GRHL2: variants seen among roughly 807,000 people sequenced by gnomAD.
GRHL2 encodes the protein grainyhead-like protein 2 homolog.
GRHL2 carries 21 observed loss-of-function variants against 83.8 expected under a neutral mutation model. That is an observed-to-expected ratio of 0.25 (90% confidence interval 0.18 to 0.36). The LOEUF is 0.36. Among genes scored for constraint, GRHL2 ranks in the 10% least tolerant of loss-of-function variants. The pLI, the probability that GRHL2 is intolerant of heterozygous loss-of-function variation, is 1.00. For missense variants in GRHL2, 623 were observed against 781.8 expected (o/e 0.80, Z 2.42); for synonymous variants, 280 against 278.9 (o/e 1.00, Z -0.04).
rs199918321 is a variant in GRHL2, at chr8:101,571,497, A to AC, written c.734+1103_734+1104insC. 2.7e-3 allele frequency among the ~76,000 whole-genome samples: 417 copies of AC among 151,734 alleles called. 2 individuals carry two copies. Among genetic ancestry groups the AC allele is most frequent in the Admixed American group, 9.9e-3 (150 of 15,202 alleles). ...TAGTAAGACCCCATTACATAAAAAA[A>AC]AAAAAAAAAGAGTGAGAGAGTGGCA... is the stretch of plus-strand genomic sequence containing the variant. On this transcript the variant is annotated intron_variant, in intron 5 of 15. Transcript: ENST00000646743.
At chr8:101,643,369 C>CA (rs56301334) in intron 12 of GRHL2, among the ~76,000 whole-genome samples, 42,060 of 95,998 alleles carry the variant, frequency 0.44, 11,157 homozygotes, top group Non-Finnish European at 0.51. Flanking sequence ...CTGTTTCTCT[C>CA]AAAAAAAAAA....
chr8:101,500,774 G>C (rs1266133095), intron 1 of GRHL2, among the ~76,000 whole-genome samples: 1 of 152,126 alleles, frequency 6.6e-6, no homozygotes, highest in Non-Finnish European at 1.5e-5. Flanking sequence ...GCCTCCCAAA[G>C]TGCTAGGATT....
At position 101,492,790 on chromosome 8, in the gene GRHL2, G is replaced by A. The variant is rs1809990914; in HGVS notation, c.20+1G>A. 6.2e-7 allele frequency: 1 copy of A among 1,613,952 alleles called. No homozygotes were observed. Among genetic ancestry groups the A allele is most frequent in the African/African-American group, 1.3e-5 (1 of 74,942 alleles). Reference sequence around the variant, plus strand: ...CAAACATGTCACAAGAGTCGGACAAGTAAGTGGATCACACGCGCCGGCTGC... The same window carrying A: ...CAAACATGTCACAAGAGTCGGACAAATAAGTGGATCACACGCGCCGGCTGC... On this transcript the variant is annotated splice_donor_variant, in intron 1 of 15. Transcript: ENST00000646743. LOFTEE classifies it high-confidence loss of function.
chr8:101,661,046 C>T (rs905740603), intron 14 of GRHL2, among the ~76,000 whole-genome samples: 5 of 152,238 alleles, frequency 3.3e-5, no homozygotes, highest in Admixed American at 6.5e-5. Flanking sequence ...GTCCAACCCA[C>T]GGCCTGCAAG....
chr8:101,551,443 C>T (rs1452817437), intron 2 of GRHL2, among the ~76,000 whole-genome samples: 7 of 152,042 alleles, frequency 4.6e-5, no homozygotes, highest in Non-Finnish European at 1.0e-4. Flanking sequence ...TCTGTCCCCA[C>T]ACTAAGCCAG....
rs7820145 is a variant in GRHL2, at chr8:101,584,201, G to A, written c.1003+6682G>A. Among the ~76,000 whole-genome samples, 511 of 152,260 alleles carry A rather than the reference G, an allele frequency of 3.4e-3. 3 individuals carry two copies. The highest frequency in any genetic ancestry group is 4.1e-3 in the Non-Finnish European group (281 of 68,012). On this transcript the variant is annotated intron_variant, in intron 7 of 15. Coordinates refer to ENST00000646743, the MANE Select transcript of GRHL2 (RefSeq NM_024915.4). ...TTACATTATTAATATTAATCCTGTA[G>A]ATTTCCATGGTAATTAGCAGGCAAT...
chr8:101,609,045 T>A (rs1812694430), intron 8 of GRHL2, among the ~76,000 whole-genome samples: 1 of 150,116 alleles, frequency 6.7e-6, no homozygotes, highest in Admixed American at 6.6e-5. Context: ...AAAGAGGGGA[T>A]GATTGAAGTC....
chr8:101,567,433 C>T (rs1218153858), intron 4 of GRHL2, among the ~76,000 whole-genome samples: 1 of 152,178 alleles, frequency 6.6e-6, no homozygotes, highest in Non-Finnish European at 1.5e-5. Flanking sequence ...ATTCTAATTC[C>T]TAATACTAAT....
chr8:101,500,700 G>A (rs1157524557), intron 1 of GRHL2, among the ~76,000 whole-genome samples: 1 of 152,014 alleles, frequency 6.6e-6, no homozygotes, highest in African/African-American at 2.4e-5. Flanking sequence ...TAGTAGAGAC[G>A]GAGTTTCGCC....
At chr8:101,629,598 A>T (rs565746813) in intron 9 of GRHL2, among the ~76,000 whole-genome samples, 75 of 152,144 alleles carry the variant, frequency 4.9e-4, no homozygotes, top group African/African-American at 1.8e-3. Flanking sequence ...AAATTCCTTG[A>T]CCCAACTTGG....
intron 1 of GRHL2, among the ~76,000 whole-genome samples, chr8:101,520,876 G>C (rs1810668517): frequency 6.6e-6 from 1 of 152,100 alleles, no homozygotes; most frequent in African/African-American, 2.4e-5. Context: ...TTCCTGTAAT[G>C]ACATTCCTTC....
rs770472157 is a variant in GRHL2 at position 101,666,592 on chromosome 8, C to T, written c.1767C>T (p.Ile589=). The T allele has an allele frequency of 3.1e-6, 5 of 1,595,430 alleles. No individual in the cohort carries two copies. The highest frequency in any genetic ancestry group is 1.1e-5 in the South Asian group (1 of 90,744). Residue 589 remains isoleucine (I), a synonymous_variant, in exon 16 of 16, where the codon ATC becomes ATT. Transcript: ENST00000646743. The part of the protein sequence containing the change: ...AKLYKKSKKG[I]LVNMDDNIIE... ...ACCCCTCCCCCCTCCATGGCAGCAT[C>T]TTGGTGAACATGGATGACAACATCA...
chr8:101,678,260 G>C, the GRHL2 span, among the ~76,000 whole-genome samples: 1 of 152,204 alleles, frequency 6.6e-6, no homozygotes, highest in Admixed American at 6.5e-5. Flanking sequence ...GCGAGGCATT[G>C]CCTCACTTGG....
intron 1 of GRHL2, among the ~76,000 whole-genome samples, chr8:101,495,227 G>A (rs767804728): frequency 6.6e-6 from 1 of 152,206 alleles, no homozygotes. Flanking sequence ...AGGCCTGCCT[G>A]TAGTTTCTGG....
In GRHL2 at chr8:101,540,244, C is replaced by T. The variant is rs576522232; in HGVS notation, c.21-2997C>T. On this transcript the variant is annotated intron_variant, in intron 1 of 15. Coordinates refer to ENST00000646743, the MANE Select transcript of GRHL2 (RefSeq NM_024915.4). ...AATTATTTTATTTGATCTTCATAAG[C>T]ACATTGTAAGGTAAGTAGGCACTGA... Among the ~76,000 whole-genome samples the T allele has an allele frequency of 7.2e-5, 11 of 152,262 alleles. No homozygotes were observed. The South Asian group carries it at 1.7e-3, about 23-fold the overall frequency.
At chr8:101,597,773 A>C (rs1382406969) in intron 7 of GRHL2, among the ~76,000 whole-genome samples, 2 of 152,068 alleles carry the variant, frequency 1.3e-5, no homozygotes. Flanking sequence ...TGGCACATGT[A>C]TACATATGTA....
At chr8:101,672,170 G>C (rs981697725), downstream of GRHL2, among the ~76,000 whole-genome samples, 2 of 151,730 alleles carry the variant, frequency 1.3e-5, no homozygotes, top group East Asian at 3.8e-4. Context: ...AAGGAATGCA[G>C]CTCCTCATCA....
chr8:101,649,954 A>G (rs901353191), intron 14 of GRHL2, among the ~76,000 whole-genome samples: 7 of 152,182 alleles, frequency 4.6e-5, no homozygotes, highest in South Asian at 2.1e-4. Context: ...CTTCCTACCC[A>G]TGGTCTTGTC....
chr8:101,661,974 T>A (rs1189597674), intron 14 of GRHL2, among the ~76,000 whole-genome samples: 2 of 152,356 alleles, frequency 1.3e-5, no homozygotes, highest in South Asian at 4.1e-4. Context: ...TGCTCTATCC[T>A]TTTGCTTTGC....
Sources: allele counts gnomAD v4.1 joint callset (sites outside exome capture counted in the v4.1 genomes callset), GRCh38; gene constraint gnomAD v4.1.1; transcripts MANE v1.5; gene names NCBI Gene and HGNC (gene_info 2026-07-23, HGNC 2026-07-21).